The following DOCK2 variants were observed in gnomAD, a reference collection of about 807,000 sequenced individuals.
DOCK2 encodes dedicator of cytokinesis 2, also known as dedicator of cytokinesis protein 2.
A neutral mutation model predicts 248.9 loss-of-function variants in DOCK2; 87 were observed. That is an observed-to-expected ratio of 0.35 (90% CI 0.29 to 0.42). The LOEUF is 0.42. DOCK2 is among the 10% of genes least tolerant of loss of function. DOCK2 has a pLI of 1.00. For missense variants in DOCK2, 1,747 were observed against 2,300.2 expected, an observed-to-expected ratio of 0.76 and a Z score of 4.92; for synonymous variants, 805 against 821.6, an observed-to-expected ratio of 0.98 and a Z score of 0.35.
chr5:169,692,044 C>T lies in DOCK2; in HGVS notation c.843+2711C>T, dbSNP rs185665379. Among the ~76,000 whole-genome samples, 336 of 151,954 alleles carry T rather than the reference C, an allele frequency of 2.2e-3. 1 individual carries two copies. The highest frequency in any genetic ancestry group is 7.2e-3 in the East Asian group (37 of 5,150). ...CTAATTTTTTGTATTTTAGTATAGA[C>T]GGGGTTTCACCATGTTGGCCAGGAT... On this transcript the variant is annotated intron_variant, in intron 9 of 51. Transcript: ENST00000520908.
At chr5:169,825,249 A>C (rs1319812895) in intron 26 of DOCK2, among the ~76,000 whole-genome samples, 1 of 152,184 alleles carries the variant, frequency 6.6e-6, no homozygotes, top group Admixed American at 6.5e-5. Flanking sequence ...ATACCATTTG[A>C]CCCAGCCATC....
chr5:169,998,462 C>T (rs566184318), intron 30 of DOCK2, among the ~76,000 whole-genome samples: 2 of 152,314 alleles, frequency 1.3e-5, no homozygotes, highest in Middle Eastern at 3.4e-3. Flanking sequence ...ACAATGAGAG[C>T]GATAATAAAA....
At chr5:170,047,701 G>C in intron 40 of DOCK2, 87 bp downstream of exon 40, 1 of 1,253,768 alleles carries the variant, frequency 8.0e-7, no homozygotes, top group Non-Finnish European at 1.1e-6. Context: ...GGATTTGCTT[G>C]TGCTCAGAAG....
chr5:169,847,825 A>G (rs1455433506), intron 27 of DOCK2, among the ~76,000 whole-genome samples: 1 of 152,224 alleles, frequency 6.6e-6, no homozygotes, highest in African/African-American at 2.4e-5. Flanking sequence ...CTGTCATGGC[A>G]TGAGATTGGA....
intron 1 of DOCK2, among the ~76,000 whole-genome samples, chr5:169,649,520 T>C (rs530314020): frequency 2.6e-4 from 40 of 152,324 alleles, no homozygotes; most frequent in Middle Eastern, 3.4e-3. Flanking sequence ...CGCTAGGAAT[T>C]CAGTGGTCAA....
At chr5:169,974,719 G>A (rs975626927) in intron 27 of DOCK2, among the ~76,000 whole-genome samples, 1 of 152,094 alleles carries the variant, frequency 6.6e-6, no homozygotes, top group African/African-American at 2.4e-5. Context: ...GTATTTTCCT[G>A]CACAGCCCTT....
chr5:170,048,023 TAATCTC>T lies in DOCK2; in HGVS notation c.4071+410_4071+415del, dbSNP rs550378796. ...CCCAAAGAACTTGTGTGTATAAAGA[TAATCTC>T]TATCTACATTTACTACATGAGAAAT... On this transcript the variant is annotated intron_variant, in intron 40 of 51. Transcript: ENST00000520908. 2.7e-3 allele frequency among the ~76,000 whole-genome samples: 412 copies of T among 152,370 alleles called. 1 individual carries two copies. The highest frequency in any genetic ancestry group is 4.4e-3 in the Non-Finnish European group (300 of 68,042).
chr5:169,998,492 G>C (rs1447508980), intron 30 of DOCK2, among the ~76,000 whole-genome samples: 1 of 152,236 alleles, frequency 6.6e-6, no homozygotes, highest in Non-Finnish European at 1.5e-5. Flanking sequence ...GCCATTTTCT[G>C]ATGGTTAATA....
intron 27 of DOCK2, among the ~76,000 whole-genome samples, chr5:169,912,413 G>T (rs529610720): frequency 7.9e-5 from 12 of 152,196 alleles, no homozygotes; most frequent in African/African-American, 2.6e-4. Flanking sequence ...CTCTACTTGC[G>T]AAGGGTCTTT....
intron 1 of DOCK2, among the ~76,000 whole-genome samples, chr5:169,648,394 A>C (rs527753177): frequency 6.6e-6 from 1 of 152,182 alleles, no homozygotes; most frequent in Admixed American, 6.5e-5. Context: ...GAGAGAATTC[A>C]CTGGAATCCT....
chr5:169,892,029 A>G (rs559587764), intron 27 of DOCK2, among the ~76,000 whole-genome samples: 1 of 152,000 alleles, frequency 6.6e-6, no homozygotes, highest in African/African-American at 2.4e-5. Context: ...GAAAAAAGAA[A>G]AGAAAAACAA....
intron 2 of DOCK2, among the ~76,000 whole-genome samples, chr5:169,661,126 A>T (rs1184849298): frequency 6.6e-6 from 1 of 152,150 alleles, no homozygotes; most frequent in Non-Finnish European, 1.5e-5. Flanking sequence ...CTGAGTTTTT[A>T]ATCCAATTTA....
rs561131343 is a variant in DOCK2, at chr5:169,976,786, G to A, written c.2800-6282G>A. Among the ~76,000 whole-genome samples the A allele has an allele frequency of 3.3e-5, 5 of 152,262 alleles. No homozygotes were observed. In the East Asian group the frequency reaches 7.7e-4, roughly 24 times the overall value. ...CTGATCTGTCATTAATGCCCACAGC[G>A]TCAGGCAGGGGTGCACATGGCTGAC... is the stretch of plus-strand genomic sequence containing the variant. On this transcript the variant is annotated intron_variant, in intron 27 of 51. Transcript: ENST00000520908.
intron 34 of DOCK2, among the ~76,000 whole-genome samples, chr5:170,031,238 A>G (rs924534390): frequency 6.6e-6 from 1 of 152,236 alleles, no homozygotes; most frequent in Non-Finnish European, 1.5e-5. Context: ...TATCCTACCC[A>G]GACCCTTTCA....
chr5:169,918,140 C>T (rs1774976777), intron 27 of DOCK2, among the ~76,000 whole-genome samples: 1 of 152,152 alleles, frequency 6.6e-6, no homozygotes, highest in Non-Finnish European at 1.5e-5. Flanking sequence ...GTTCAATTTG[C>T]TTTGGATGGC....
chr5:169,705,690 C>T (rs1053132220), intron 14 of DOCK2, among the ~76,000 whole-genome samples: 2 of 152,172 alleles, frequency 1.3e-5, no homozygotes, highest in African/African-American at 2.4e-5. Context: ...GCATGCTAAT[C>T]GACATCCCAT....
chr5:169,698,237 G>T, intron 10 of DOCK2, 137 bp from the exon 11 acceptor site: 2 of 715,838 alleles, frequency 2.8e-6, no homozygotes, highest in Non-Finnish European at 2.4e-6. Context: ...TGCAGCACTG[G>T]CTTGCTTGCC....
At chr5:169,807,610 A>T (rs988182197) in intron 26 of DOCK2, among the ~76,000 whole-genome samples, 1 of 152,062 alleles carries the variant, frequency 6.6e-6, no homozygotes, top group Non-Finnish European at 1.5e-5. Flanking sequence ...AGGCGGGCGG[A>T]TCACGAGGTC....
At chr5:170,077,870 C>T (rs754284678) in intron 48 of DOCK2, 33 bp downstream of exon 48, 2 of 1,599,696 alleles carry the variant, frequency 1.3e-6, no homozygotes, top group Admixed American at 1.7e-5. Context: ...GCCCCCCACA[C>T]CCCTGCCTCC....
Sources: allele counts gnomAD v4.1 joint callset (sites outside exome capture counted in the v4.1 genomes callset), GRCh38; gene constraint gnomAD v4.1.1; transcripts MANE v1.5; gene names NCBI Gene and HGNC (gene_info 2026-07-23, HGNC 2026-07-21).